Variants in DCT observed in about 807,000 individuals in gnomAD.
DCT encodes dopachrome tautomerase.
Under a neutral mutation model 53.0 loss-of-function variants are expected in DCT, and 47 were observed. The ratio of observed to expected loss-of-function variants is 0.89; its 90% CI spans 0.70 to 1.13. The LOEUF (loss-of-function observed/expected upper bound fraction) is 1.13, where lower values mean the gene tolerates loss of function less well. Ranked by LOEUF, DCT falls within the 50% of genes most tolerant of loss-of-function variation. The pLI is 0.00. For synonymous variants in DCT, 244 were observed against 237.0 expected (o/e 1.03, Z -0.27); for missense variants, 669 against 637.4 (o/e 1.05, Z -0.53).
At chr13:94,490,529 A>AAAAAAAAAAAAAAAAAAAAAAAAAC in the DCT span, among the ~76,000 whole-genome samples, 1 of 148,714 alleles carries the variant, frequency 6.7e-6, no homozygotes, top group Non-Finnish European at 1.5e-5. Flanking sequence ...AAAAAAAAAA[A>AAAAAAAAAAAAAAAAAAAAAAAAAC]AACAACTAAC....
chr13:94,447,369 A>T (rs1003175762), intron 6 of DCT, among the ~76,000 whole-genome samples: 10 of 152,332 alleles, frequency 6.6e-5, no homozygotes, highest in African/African-American at 2.4e-4. Flanking sequence ...GGGCCCTCTC[A>T]GGTGCAGTTC....
At chr13:94,524,960 T>C in the DCT span, among the ~76,000 whole-genome samples, 1 of 152,074 alleles carries the variant, frequency 6.6e-6, no homozygotes, top group East Asian at 1.9e-4. Context: ...ACAGATCAGA[T>C]AATGCCTCTA....
the DCT span, among the ~76,000 whole-genome samples, chr13:94,522,513 T>C: frequency 6.6e-6 from 1 of 152,182 alleles, no homozygotes; most frequent in Non-Finnish European, 1.5e-5. Context: ...TATATATATA[T>C]AAATTCTGTT....
At chr13:94,525,614 G>A in the DCT span, among the ~76,000 whole-genome samples, 1 of 152,162 alleles carries the variant, frequency 6.6e-6, no homozygotes, top group African/African-American at 2.4e-5. Context: ...AGGAGGTTGT[G>A]CCTCAGTGGA....
chr13:94,454,567 G>C (rs1352473659), intron 6 of DCT, among the ~76,000 whole-genome samples: 1 of 152,118 alleles, frequency 6.6e-6, no homozygotes, highest in Non-Finnish European at 1.5e-5. Context: ...GATTGCTTCA[G>C]AGTTTTTCCT....
At chr13:94,515,378 A>G in the DCT span, among the ~76,000 whole-genome samples, 1 of 152,244 alleles carries the variant, frequency 6.6e-6, no homozygotes, top group Non-Finnish European at 1.5e-5. Flanking sequence ...AGAGGATGGG[A>G]TAGATTCAAA....
the DCT span, among the ~76,000 whole-genome samples, chr13:94,488,723 T>TAC: frequency 4.8e-3 from 666 of 139,212 alleles, 4 homozygotes; most frequent in East Asian, 8.9e-3. Context: ...GTCTAATATA[T>TAC]ACACACACAC....
At chr13:94,484,483 C>A (rs947755863), upstream of DCT, among the ~76,000 whole-genome samples, 2 of 152,180 alleles carry the variant, frequency 1.3e-5, no homozygotes, top group African/African-American at 4.8e-5. Flanking sequence ...CTTTTGAGGT[C>A]TGTATTAGTT....
At chr13:94,546,251 T>C in the DCT span, among the ~76,000 whole-genome samples, 1 of 152,134 alleles carries the variant, frequency 6.6e-6, no homozygotes, top group Non-Finnish European at 1.5e-5. This position sits in a 1 kb window ranked among gnomAD's most constrained non-coding sequence, Gnocchi z 4.2. Flanking sequence ...CTTTGATCAT[T>C]GCCAGCTAGC....
chr13:94,474,893 T>C (rs988595221), intron 1 of DCT, among the ~76,000 whole-genome samples: 2 of 152,182 alleles, frequency 1.3e-5, no homozygotes, highest in Admixed American at 1.3e-4. Flanking sequence ...AACTATGAGG[T>C]GTTTATTTTC....
At chr13:94,466,458 G>A in intron 3 of DCT, 100 bp downstream of exon 3, 1 of 642,710 alleles carries the variant, frequency 1.6e-6, no homozygotes. Context: ...TCTTGTATGA[G>A]TATCAAGATA....
upstream of DCT, among the ~76,000 whole-genome samples, chr13:94,483,184 G>T (rs1030238862): frequency 2.6e-5 from 4 of 151,302 alleles, no homozygotes; most frequent in Non-Finnish European, 5.9e-5. Flanking sequence ...TGAGGCAGGA[G>T]GATTTCTTGA....
At chr13:94,452,494 A>G in intron 6 of DCT, 1 of 626,458 alleles carries the variant, frequency 1.6e-6, no homozygotes, top group Non-Finnish European at 2.8e-6. Flanking sequence ...GGTGACACAC[A>G]GGTATTAGGA....
At chr13:94,537,825 G>A in the DCT span, among the ~76,000 whole-genome samples, 3 of 152,178 alleles carry the variant, frequency 2.0e-5, no homozygotes, top group Non-Finnish European at 4.4e-5. Context: ...AAGAACGTCA[G>A]TGTAGGCTCT....
intron 6 of DCT, among the ~76,000 whole-genome samples, chr13:94,448,796 C>T (rs960535919): frequency 2.0e-5 from 3 of 151,764 alleles, no homozygotes; most frequent in Admixed American, 6.6e-5. Context: ...CCCAGCTATT[C>T]GGGAGGCTGA....
chr13:94,516,986 G>A, the DCT span, among the ~76,000 whole-genome samples: 5 of 152,084 alleles, frequency 3.3e-5, no homozygotes, highest in Non-Finnish European at 5.9e-5. Flanking sequence ...TTTCAAAAGC[G>A]TGTTCTAAGA....
the DCT span, among the ~76,000 whole-genome samples, chr13:94,494,050 A>T: frequency 1.3e-5 from 2 of 152,222 alleles, no homozygotes; most frequent in African/African-American, 4.8e-5. Flanking sequence ...GCCAAAAGCT[A>T]TAAAATTAGG....
At chr13:94,525,418 G>T in the DCT span, among the ~76,000 whole-genome samples, 5 of 152,124 alleles carry the variant, frequency 3.3e-5, no homozygotes, top group Non-Finnish European at 5.9e-5. Flanking sequence ...ATACATTTCT[G>T]ATGTTTAGGC....
At position 94,466,593 on chromosome 13, in the gene DCT, G is replaced by A. The variant is rs749032774; in HGVS notation, c.661C>T (p.Arg221Trp). 1.2e-5 allele frequency: 19 copies of A among 1,611,594 alleles called. No homozygotes were observed. Among genetic ancestry groups the A allele is most frequent in the African/African-American group, 2.7e-5 (2 of 74,860 alleles). Residue 221 changes from arginine to tryptophan, a missense_variant, in exon 3 of 8, where the codon CGG (arginine) becomes TGG (tryptophan). By Grantham distance (101) the Arg-to-Trp change is moderately radical. Coordinates refer to ENST00000377028, the MANE Select transcript of DCT (RefSeq NM_001922.5). ...CTTTCCAGACACAACAAATGGTACCGGTGCCAGGTAACAAATGCAGGTCCT... is the reference window on the plus strand; with the variant it reads ...CTTTCCAGACACAACAAATGGTACCAGTGCCAGGTAACAAATGCAGGTCCT... ...HQGPAFVTWH[R>W]YHLLCLERDL...
Sources: gnomAD v4.1 joint callset for allele counts (sites outside exome capture counted in the v4.1 genomes callset) on GRCh38, gnomAD v4.1.1 for gene constraint, Gnocchi (gnomAD v3.1) non-coding constraint, MANE v1.5 for transcripts, NCBI Gene and HGNC (gene_info 2026-07-23, HGNC 2026-07-21) for gene names.